The following FBXO28 variants were observed in gnomAD, a reference collection of about 807,000 sequenced individuals.
FBXO28 encodes F-box only protein 28.
FBXO28 carries 8 observed loss-of-function variants against 38.1 expected under a neutral mutation model. The observed-to-expected ratio is 0.21, with a 90% CI of 0.12 to 0.38. The LOEUF (loss-of-function observed/expected upper bound fraction) is 0.38, where lower values mean the gene tolerates loss of function less well. FBXO28 is among the 10% of genes least tolerant of loss of function. FBXO28 has a pLI of 1.00. For synonymous variants in FBXO28, 168 were observed against 173.8 expected, an observed-to-expected ratio of 0.97 and a Z score of 0.26; for missense variants, 345 against 460.6, an observed-to-expected ratio of 0.75 and a Z score of 2.30.
At chr1:224,149,834 T>C (rs1290409825) in intron 3 of FBXO28, among the ~76,000 whole-genome samples, 1 of 152,204 alleles carries the variant, frequency 6.6e-6, no homozygotes, top group Admixed American at 6.5e-5. Flanking sequence ...TCTGAGAAAG[T>C]ACAGTGTTAC....
At chr1:224,149,493 A>G (rs1184514845) in intron 3 of FBXO28, among the ~76,000 whole-genome samples, 1 of 152,116 alleles carries the variant, frequency 6.6e-6, no homozygotes, top group East Asian at 1.9e-4. Context: ...GCCCAGCCAA[A>G]AAACAAATTC....
At chr1:224,120,028 C>A (rs1394419024) in intron 1 of FBXO28, among the ~76,000 whole-genome samples, 1 of 152,114 alleles carries the variant, frequency 6.6e-6, no homozygotes, top group African/African-American at 2.4e-5. Flanking sequence ...ACTTCCGTCT[C>A]GTATCATCAT....
intron 1 of FBXO28, among the ~76,000 whole-genome samples, chr1:224,114,653 G>A (rs1656603352): frequency 7.6e-6 from 1 of 131,098 alleles, no homozygotes; most frequent in African/African-American, 2.8e-5. Flanking sequence ...CCCCCCGCCC[G>A]GAAGCGGGCC....
intron 1 of FBXO28, among the ~76,000 whole-genome samples, chr1:224,127,887 A>T (rs889626328): frequency 2.0e-5 from 3 of 152,240 alleles, no homozygotes; most frequent in Admixed American, 2.0e-4. Flanking sequence ...AACCTGGGTG[A>T]CAGCGAAACT....
chr1:224,153,007 G>T, intron 3 of FBXO28, 135 bp from the exon 4 acceptor site: 1 of 564,238 alleles, frequency 1.8e-6, no homozygotes, highest in South Asian at 2.5e-5. Flanking sequence ...TTCATCAGTG[G>T]CCAGTACATC....
At position 224,117,388 on chromosome 1, in the gene FBXO28, G is replaced by A. The variant is rs187226848; in HGVS notation, c.267+2992G>A. Among the ~76,000 whole-genome samples the A allele has an allele frequency of 3.0e-3, 448 of 151,818 alleles. 1 individual carries two copies. The highest frequency in any genetic ancestry group is 9.9e-3 in the African/African-American group (410 of 41,454). On this transcript the variant is annotated intron_variant, in intron 1 of 4. Transcript: ENST00000366862. ...TCACCATGTTGCCCAGGCTGGTCTCGAACTCCTGAGCTCAGGCAATCCACC... is the reference window on the plus strand; with the variant it reads ...TCACCATGTTGCCCAGGCTGGTCTCAAACTCCTGAGCTCAGGCAATCCACC...
chr1:224,155,401 G>T (rs1368811078), intron 4 of FBXO28, among the ~76,000 whole-genome samples: 1 of 152,054 alleles, frequency 6.6e-6, no homozygotes, highest in African/African-American at 2.4e-5. Flanking sequence ...TCCTGACCTC[G>T]TGATCCACCT....
rs541491076 is a variant in FBXO28 at position 224,155,722 on chromosome 1, G to A, written c.713-1630G>A. Reference sequence around the variant, plus strand: ...CAACCGAGTGGCTTTCTGTAATTGAGTAATAAAGCCTACACATCTCAGCAT... The same window carrying A: ...CAACCGAGTGGCTTTCTGTAATTGAATAATAAAGCCTACACATCTCAGCAT... On this transcript the variant is annotated intron_variant, in intron 4 of 4. Transcript: ENST00000366862. Among the ~76,000 whole-genome samples, 11 of 152,290 alleles carry A rather than the reference G, an allele frequency of 7.2e-5. No homozygotes were observed. The South Asian group carries it at 1.9e-3, about 26-fold the overall frequency.
intron 1 of FBXO28, among the ~76,000 whole-genome samples, chr1:224,121,082 TTAG>T (rs1656761055): frequency 1.3e-5 from 2 of 152,216 alleles, no homozygotes; most frequent in South Asian, 4.1e-4. Flanking sequence ...AAGAAAACTC[TTAG>T]GAGTTATTAA....
rs375807290 is a variant in FBXO28, at chr1:224,126,165, T to C, written c.268-4307T>C. Among the ~76,000 whole-genome samples the C allele has an allele frequency of 1.4e-3, 214 of 151,858 alleles. 1 individual carries two copies. Among genetic ancestry groups the C allele is most frequent in the Admixed American group, 8.0e-3 (121 of 15,184 alleles). The stretch of plus-strand genomic sequence containing the variant: ...CTTTTGTCATGTGAGATCTTCTTAA[T>C]TGGGCCTATCTGGTTATTCTTATTC... On this transcript the variant is annotated intron_variant, in intron 1 of 4. Coordinates refer to ENST00000366862, the MANE Select transcript of FBXO28 (RefSeq NM_015176.4).
At chr1:224,153,423 CTG>C in intron 4 of FBXO28, 86 bp downstream of exon 4, 2 of 959,996 alleles carry the variant, frequency 2.1e-6, no homozygotes, top group Non-Finnish European at 3.1e-6. Context: ...TTGAACTTTT[CTG>C]TGTTAGTAGT....
intron 3 of FBXO28, 197 bp downstream of exon 3, chr1:224,134,409 A>G (rs1484861330): frequency 4.2e-6 from 2 of 478,968 alleles, no homozygotes; most frequent in Non-Finnish European, 3.6e-6. Context: ...TAATTATGAA[A>G]TAGTCGAAAC....
intron 1 of FBXO28, among the ~76,000 whole-genome samples, chr1:224,116,957 C>G (rs1200303549): frequency 6.6e-6 from 1 of 151,942 alleles, no homozygotes; most frequent in Non-Finnish European, 1.5e-5. Flanking sequence ...GGCAGATCAC[C>G]TGAGGTCAGG....
chr1:224,144,470 A>AC (rs1385272723), intron 3 of FBXO28, among the ~76,000 whole-genome samples: 1 of 151,842 alleles, frequency 6.6e-6, no homozygotes, highest in Non-Finnish European at 1.5e-5. Context: ...TCAAAAAAAA[A>AC]CAAAAAAGGC....
chr1:224,152,992 C>G, intron 3 of FBXO28, 150 bp from the exon 4 acceptor site: 1 of 465,274 alleles, frequency 2.1e-6, no homozygotes, highest in Non-Finnish European at 3.7e-6. Flanking sequence ...TTGTAAATAG[C>G]AATATTCATC....
chr1:224,157,197 A>G (rs973205511), intron 4 of FBXO28, among the ~76,000 whole-genome samples, 155 bp from the exon 5 acceptor site: 1 of 152,194 alleles, frequency 6.6e-6, no homozygotes, highest in Non-Finnish European at 1.5e-5. Context: ...AAGGTGTTAA[A>G]TTATGATGAT....
At chr1:224,117,868 G>A (rs1656677902) in intron 1 of FBXO28, among the ~76,000 whole-genome samples, 2 of 152,064 alleles carry the variant, frequency 1.3e-5, no homozygotes, top group Non-Finnish European at 2.9e-5. Flanking sequence ...AATTAGCCAG[G>A]CGTGGTGGCA....
intron 1 of FBXO28, among the ~76,000 whole-genome samples, chr1:224,118,283 A>G (rs1224141059): frequency 1.1e-5 from 1 of 91,056 alleles, no homozygotes; most frequent in Non-Finnish European, 2.3e-5. Flanking sequence ...CTATTTATTT[A>G]AAGTACAATA....
intron 3 of FBXO28, among the ~76,000 whole-genome samples, chr1:224,145,620 A>T (rs1015665912): frequency 6.6e-6 from 1 of 152,178 alleles, no homozygotes; most frequent in Non-Finnish European, 1.5e-5. Flanking sequence ...TCAAACAAAC[A>T]TGCCATATAA....
Sources: gnomAD v4.1 joint callset for allele counts (sites outside exome capture counted in the v4.1 genomes callset) on GRCh38, gnomAD v4.1.1 for gene constraint, MANE v1.5 for transcripts, NCBI Gene and HGNC (gene_info 2026-07-23, HGNC 2026-07-21) for gene names.